Variants in NLGN1 observed in about 807,000 individuals in gnomAD.
The protein encoded by NLGN1 is neuroligin-1.
A neutral mutation model predicts 65.5 loss-of-function variants in NLGN1; 12 were observed. That is an observed-to-expected ratio of 0.18 (90% CI 0.12 to 0.30). The LOEUF (loss-of-function observed/expected upper bound fraction) is 0.30. Among genes scored for constraint, NLGN1 ranks in the 10% least tolerant of loss-of-function variants. NLGN1 has a pLI of 1.00. For missense variants in NLGN1, 750 were observed against 1,007.1 expected, an observed-to-expected ratio of 0.74 and a Z score of 3.46; for synonymous variants, 350 against 359.5, an observed-to-expected ratio of 0.97 and a Z score of 0.30.
chr3:173,657,773 G>A (rs1206524700), intron 3 of NLGN1, among the ~76,000 whole-genome samples: 2 of 151,904 alleles, frequency 1.3e-5, no homozygotes, highest in Non-Finnish European at 2.9e-5. Flanking sequence ...AAGGAAGAGG[G>A]AAGGAAGGTA....
chr3:173,908,964 G>C (rs1296139878), intron 4 of NLGN1, among the ~76,000 whole-genome samples: 1 of 152,062 alleles, frequency 6.6e-6, no homozygotes. Flanking sequence ...GACTCAAGTA[G>C]CTTAAACCCA....
In NLGN1 at chr3:173,566,874, T is replaced by C. The variant is rs116094163; in HGVS notation, c.-320-37405T>C. ...TAAAAAAGAGTAAAGAAAATGTAAA[T>C]AAATGAAATTTTCCTCTATTTTGAA... is the stretch of plus-strand genomic sequence containing the variant. On this transcript the variant is annotated intron_variant, in intron 2 of 6. Transcript: ENST00000457714. Among the ~76,000 whole-genome samples the C allele has an allele frequency of 9.2e-3, 1,404 of 152,244 alleles. 8 individuals carry two copies. Among genetic ancestry groups the C allele is most frequent in the Non-Finnish European group, 0.014 (978 of 67,980 alleles).
At chr3:173,909,742 T>A (rs1012970820) in intron 4 of NLGN1, among the ~76,000 whole-genome samples, 1 of 152,144 alleles carries the variant, frequency 6.6e-6, no homozygotes, top group African/African-American at 2.4e-5. Flanking sequence ...TGCAATGGCA[T>A]GATCTCGGCT....
intron 3 of NLGN1, among the ~76,000 whole-genome samples, chr3:173,706,727 T>G (rs1163751999): frequency 6.6e-6 from 1 of 152,220 alleles, no homozygotes; most frequent in Non-Finnish European, 1.5e-5. Context: ...GATATGAATA[T>G]AGATCATATA....
chr3:173,872,654 A>G (rs1731389666), intron 4 of NLGN1, among the ~76,000 whole-genome samples: 1 of 152,154 alleles, frequency 6.6e-6, no homozygotes, highest in African/African-American at 2.4e-5. Flanking sequence ...AGTAAGTTAA[A>G]GTTTCTTCAG....
intron 4 of NLGN1, among the ~76,000 whole-genome samples, chr3:174,164,967 G>A (rs992176468): frequency 1.3e-5 from 2 of 151,972 alleles, no homozygotes; most frequent in Non-Finnish European, 1.5e-5. Flanking sequence ...AGCATAGAAT[G>A]TTTTTGCTTT....
chr3:173,526,390 T>C (rs1226774599), intron 2 of NLGN1, among the ~76,000 whole-genome samples: 2 of 152,264 alleles, frequency 1.3e-5, no homozygotes, highest in East Asian at 3.9e-4. Context: ...GCTACTGCTC[T>C]TCATTTTTTA....
chr3:174,101,707 T>C (rs1712534301), intron 4 of NLGN1, among the ~76,000 whole-genome samples: 1 of 152,182 alleles, frequency 6.6e-6, no homozygotes, highest in Non-Finnish European at 1.5e-5. Context: ...CCTCGCACAA[T>C]AGTGCCCACA....
intron 1 of NLGN1, among the ~76,000 whole-genome samples, chr3:173,403,300 C>G (rs1718047012): frequency 6.6e-6 from 1 of 152,066 alleles, no homozygotes; most frequent in African/African-American, 2.4e-5. Context: ...GTATACCTAT[C>G]TATATGATCA....
At chr3:173,406,895 A>G (rs1718808108) in intron 1 of NLGN1, among the ~76,000 whole-genome samples, 1 of 152,136 alleles carries the variant, frequency 6.6e-6, no homozygotes, top group Non-Finnish European at 1.5e-5. Context: ...GAGTTGATTT[A>G]TGGAGCATGA....
At chr3:173,537,236 C>T (rs988094517) in intron 2 of NLGN1, among the ~76,000 whole-genome samples, 1 of 152,148 alleles carries the variant, frequency 6.6e-6, no homozygotes, top group Non-Finnish European at 1.5e-5. Flanking sequence ...ACTTGACATC[C>T]ATATGTATCT....
intron 4 of NLGN1, among the ~76,000 whole-genome samples, chr3:173,808,229 G>T (rs990234188): frequency 6.6e-6 from 1 of 152,046 alleles, no homozygotes; most frequent in Non-Finnish European, 1.5e-5. Flanking sequence ...ATATGGACTC[G>T]CTTTTGGGAA....
intron 4 of NLGN1, among the ~76,000 whole-genome samples, chr3:174,156,402 G>A (rs1725439928): frequency 6.6e-6 from 1 of 151,660 alleles, no homozygotes; most frequent in Non-Finnish European, 1.5e-5. Context: ...CTAATGTTTT[G>A]CTTCGTTTTG....
At chr3:174,039,324 T>C (rs578256703) in intron 4 of NLGN1, among the ~76,000 whole-genome samples, 214 of 152,208 alleles carry the variant, frequency 1.4e-3, no homozygotes, top group Non-Finnish European at 2.7e-3. Context: ...GTTACATAGG[T>C]ATACATGTGT....
At chr3:173,402,697 A>G (rs950477430) in intron 1 of NLGN1, among the ~76,000 whole-genome samples, 7 of 152,176 alleles carry the variant, frequency 4.6e-5, no homozygotes, top group African/African-American at 1.2e-4. Context: ...CAAAGCAGAA[A>G]TGAAAAAGCA....
intron 2 of NLGN1, among the ~76,000 whole-genome samples, chr3:173,600,996 C>T (rs904854687): frequency 6.6e-6 from 1 of 151,858 alleles, no homozygotes; most frequent in African/African-American, 2.4e-5. Context: ...AATGTATTAC[C>T]ATTTATGATG....
intron 4 of NLGN1, among the ~76,000 whole-genome samples, chr3:174,092,946 A>T (rs1477533705): frequency 6.6e-6 from 1 of 152,194 alleles, no homozygotes; most frequent in Non-Finnish European, 1.5e-5. Context: ...AATGAACTGG[A>T]TCTGCACCAG....
At chr3:174,173,394 G>C (rs940470730) in intron 4 of NLGN1, among the ~76,000 whole-genome samples, 3 of 151,920 alleles carry the variant, frequency 2.0e-5, no homozygotes, top group Non-Finnish European at 2.9e-5. Flanking sequence ...CTAGATCTTA[G>C]AGGAAAGGCT....
At chr3:173,986,058 A>G (rs1719819507) in intron 4 of NLGN1, among the ~76,000 whole-genome samples, 1 of 152,226 alleles carries the variant, frequency 6.6e-6, no homozygotes, top group African/African-American at 2.4e-5. Context: ...CCAGTACTTC[A>G]CCGTGTGACT....
Sources: allele counts gnomAD v4.1 joint callset (sites outside exome capture counted in the v4.1 genomes callset), GRCh38; gene constraint gnomAD v4.1.1; transcripts MANE v1.5; gene names NCBI Gene and HGNC (gene_info 2026-07-23, HGNC 2026-07-21).